Variants in FSTL4 observed in about 807,000 individuals in gnomAD.
FSTL4 encodes the protein follistatin-related protein 4.
Under a neutral mutation model 78.2 loss-of-function variants are expected in FSTL4, and 28 were observed. The observed-to-expected ratio is 0.36, with a 90% CI of 0.27 to 0.49. The LOEUF (loss-of-function observed/expected upper bound fraction) is 0.49. Ranked by LOEUF, FSTL4 falls within the 20% of genes least tolerant of loss-of-function variation. FSTL4 has a pLI of 0.98. For missense variants in FSTL4, 922 were observed against 1,084.9 expected, an observed-to-expected ratio of 0.85 and a Z score of 2.11; for synonymous variants, 422 against 440.5, an observed-to-expected ratio of 0.96 and a Z score of 0.53.
At chr5:133,425,993 G>C (rs907965339) in intron 3 of FSTL4, among the ~76,000 whole-genome samples, 1 of 152,194 alleles carries the variant, frequency 6.6e-6, no homozygotes, top group Non-Finnish European at 1.5e-5. Flanking sequence ...TCCTGTCTAA[G>C]TGCTGGGGAC....
the FSTL4 span, among the ~76,000 whole-genome samples, chr5:133,792,361 G>A: frequency 1.3e-5 from 2 of 152,162 alleles, no homozygotes; most frequent in Non-Finnish European, 2.9e-5. Flanking sequence ...TTTTATCCTT[G>A]AAGGAATGAG....
chr5:133,290,937 A>C (rs533489332), intron 6 of FSTL4, among the ~76,000 whole-genome samples: 106 of 152,362 alleles, frequency 7.0e-4, no homozygotes, highest in African/African-American at 2.5e-3. Flanking sequence ...GAGCCCAGTG[A>C]GTCCGCAGTG....
chr5:133,714,861 G>A, the FSTL4 span, among the ~76,000 whole-genome samples: 1 of 152,228 alleles, frequency 6.6e-6, no homozygotes, highest in Non-Finnish European at 1.5e-5. Flanking sequence ...CGGCAAGGAG[G>A]CTGGTGTGGC....
At chr5:133,718,484 A>G in the FSTL4 span, among the ~76,000 whole-genome samples, 513 of 152,312 alleles carry the variant, frequency 3.4e-3, 1 homozygote, top group Non-Finnish European at 5.7e-3. Flanking sequence ...CATGTAATTT[A>G]TTGTATAATG....
At chr5:133,452,336 T>A (rs1049597122) in intron 3 of FSTL4, among the ~76,000 whole-genome samples, 1 of 152,242 alleles carries the variant, frequency 6.6e-6, no homozygotes, top group South Asian at 2.1e-4. Context: ...AACAACTGAA[T>A]TTTTTAAAGG....
At chr5:133,220,192 T>C (rs147956283) in intron 12 of FSTL4, among the ~76,000 whole-genome samples, 162 of 152,356 alleles carry the variant, frequency 1.1e-3, no homozygotes, top group African/African-American at 3.6e-3. Flanking sequence ...CATGACCCTT[T>C]GGGATTCAAC....
the FSTL4 span, among the ~76,000 whole-genome samples, chr5:133,641,606 G>A: frequency 6.6e-6 from 1 of 152,128 alleles, no homozygotes; most frequent in Non-Finnish European, 1.5e-5. Context: ...GTATATATGT[G>A]TATGTGTATA....
intron 4 of FSTL4, among the ~76,000 whole-genome samples, chr5:133,399,481 G>C (rs530656343): frequency 6.6e-6 from 1 of 152,324 alleles, no homozygotes; most frequent in South Asian, 2.1e-4. Context: ...CACGACTGCT[G>C]AGTGGAGTGG....
rs187688000 is a variant in FSTL4, at chr5:133,309,760, G to A, written c.727+2894C>T. ...CAAACCCATCATCCTTTAGTAAAGCGATTGACTCCGCATCGGTAGGCTACT... is the reference window on the plus strand; with the variant it reads ...CAAACCCATCATCCTTTAGTAAAGCAATTGACTCCGCATCGGTAGGCTACT... On this transcript the variant is annotated intron_variant, in intron 6 of 15. Transcript: ENST00000265342. 1.1e-3 allele frequency among the ~76,000 whole-genome samples: 167 copies of A among 152,276 alleles called. 1 individual carries two copies. Among genetic ancestry groups the A allele is most frequent in the Non-Finnish European group, 7.5e-4 (51 of 68,012 alleles).
At chr5:133,294,765 A>G (rs1489206711) in intron 6 of FSTL4, among the ~76,000 whole-genome samples, 4 of 152,078 alleles carry the variant, frequency 2.6e-5, no homozygotes, top group Non-Finnish European at 5.9e-5. Context: ...AGACTCCAAG[A>G]ATTCTTCAGC....
intron 4 of FSTL4, among the ~76,000 whole-genome samples, chr5:133,373,673 C>T (rs1169471909): frequency 2.6e-5 from 4 of 152,176 alleles, no homozygotes; most frequent in African/African-American, 7.2e-5. Flanking sequence ...CCAAACCTAC[C>T]CTCCCTTCTT....
rs372659519 is a variant in FSTL4, at chr5:133,383,671, G to A, written c.409+17067C>T. ...TAATTGGCTGCTGCCTTATTAAGAG[G>A]CGGGTCTCCTGCCGCAGCCTTCATT... is the stretch of plus-strand genomic sequence containing the variant. On this transcript the variant is annotated intron_variant, in intron 4 of 15. Coordinates refer to ENST00000265342, the MANE Select transcript of FSTL4 (RefSeq NM_015082.2). 4.6e-5 allele frequency among the ~76,000 whole-genome samples: 7 copies of A among 152,312 alleles called. No homozygotes were observed. The East Asian group carries it at 1.4e-3, about 29-fold the overall frequency.
intron 4 of FSTL4, among the ~76,000 whole-genome samples, chr5:133,376,980 C>A (rs1755450574): frequency 1.3e-5 from 2 of 151,960 alleles, no homozygotes; most frequent in Non-Finnish European, 2.9e-5. Flanking sequence ...TCTCTCTTTG[C>A]CAGCTAAATG....
chr5:133,199,374 G>A lies in FSTL4; in HGVS notation c.2250C>T (p.Asn750=), dbSNP rs1424771523. 1.2e-6 allele frequency: 2 copies of A among 1,614,162 alleles called. No individual in the cohort carries two copies. The highest frequency in any genetic ancestry group is 4.5e-5 in the East Asian group (2 of 44,864). The change falls in exon 16 of 16, where the codon AAC becomes AAT. Residue 750 remains asparagine, a synonymous_variant. Transcript: ENST00000265342. This position sits in a 1 kb window ranked among gnomAD's most constrained non-coding sequence, Gnocchi z 4.4. The stretch of plus-strand genomic sequence containing the variant: ...GCTCCGTGTGCAGAGCCGCGTAGAT[G>A]TTGTATTGATTGCTTTCAGTGAAGG... ...QRSFTESNQY[N]IYAALHTEPD... is the part of the protein sequence containing the mutation.
At chr5:133,737,024 T>C in the FSTL4 span, among the ~76,000 whole-genome samples, 4 of 152,202 alleles carry the variant, frequency 2.6e-5, no homozygotes, top group African/African-American at 9.6e-5. Flanking sequence ...ACGCACATCA[T>C]GGAGAACAGG....
the FSTL4 span, among the ~76,000 whole-genome samples, chr5:133,801,362 C>T: frequency 1.2e-3 from 179 of 152,326 alleles, 3 homozygotes; most frequent in Non-Finnish European, 4.3e-4. Context: ...GCCAGTGGCA[C>T]CACCATCTCC....
intron 4 of FSTL4, among the ~76,000 whole-genome samples, chr5:133,358,176 T>C (rs1173538613): frequency 2.0e-5 from 3 of 152,218 alleles, no homozygotes; most frequent in Non-Finnish European, 2.9e-5. Flanking sequence ...TATGATTACA[T>C]GGAGCCCTCT....
chr5:133,590,098 T>G (rs1394923165), intron 2 of FSTL4, among the ~76,000 whole-genome samples: 1 of 96,286 alleles, frequency 1.0e-5, no homozygotes, highest in Non-Finnish European at 2.6e-5. Flanking sequence ...CTCCTCTTTA[T>G]TTATTTATTT....
chr5:133,671,486 C>T, the FSTL4 span, among the ~76,000 whole-genome samples: 2 of 152,204 alleles, frequency 1.3e-5, no homozygotes, highest in Non-Finnish European at 2.9e-5. Context: ...GCTTGTTCCT[C>T]AGTGCCATAA....
Sources: allele counts gnomAD v4.1 joint callset (sites outside exome capture counted in the v4.1 genomes callset), GRCh38; gene constraint gnomAD v4.1.1; non-coding constraint Gnocchi (gnomAD v3.1); transcripts MANE v1.5; gene names NCBI Gene and HGNC (gene_info 2026-07-23, HGNC 2026-07-21).